SGSM3: variants seen among roughly 807,000 people sequenced by gnomAD.
SGSM3 encodes small G protein signaling modulator 3, also known as RUN and SH3 containing 3.
A neutral mutation model predicts 100.5 loss-of-function variants in SGSM3; 96 were observed. The observed-to-expected ratio is 0.96, with a 90% CI of 0.81 to 1.13. The LOEUF (loss-of-function observed/expected upper bound fraction) is 1.13. SGSM3 is among the 50% of genes most tolerant of loss of function. SGSM3 has a pLI of 0.00. For synonymous variants in SGSM3, 483 were observed against 422.8 expected (o/e 1.14, Z -1.75); for missense variants, 1,001 against 1,015.8 (o/e 0.99, Z 0.20).
chr22:40,383,027 G>A (rs1396724935), intron 1 of SGSM3, among the ~76,000 whole-genome samples: 1 of 152,140 alleles, frequency 6.6e-6, no homozygotes, highest in Non-Finnish European at 1.5e-5. Context: ...CATAAAACAG[G>A]TAATTAAATA....
At position 40,407,932 on chromosome 22, in the gene SGSM3, TCTC is replaced by T. The variant is rs1234526905; in HGVS notation, c.1579+93_1579+95del. The T allele has an allele frequency of 1.1e-5, 16 of 1,471,306 alleles. No homozygotes were observed. Among genetic ancestry groups the T allele is most frequent in the African/African-American group, 8.4e-5 (6 of 71,772 alleles). The allele number at this position is 1,471,306 out of a possible 1,614,324, so 91.1% of individuals were successfully genotyped here. A position where few individuals can be genotyped will look rare whatever the true frequency, so the allele number is the denominator to read the frequency against. ...GTGACCCTGGCCGCCACCAAGCTGT[TCTC>T]CTCTATACACCTGCCTGGCTTGAGG... On this transcript the variant is annotated intron_variant, in intron 14 of 21. Transcript: ENST00000248929. This position sits in a 1 kb window ranked among gnomAD's most constrained non-coding sequence, Gnocchi z 4.7.
intron 4 of SGSM3, 43 bp from the exon 5 acceptor site, chr22:40,404,204 G>A (rs1168596256): frequency 6.8e-6 from 10 of 1,475,014 alleles, no homozygotes; most frequent in Non-Finnish European, 9.1e-6. Context: ...AGAACACGTA[G>A]TAGAGAATGC....
Position 40,408,686 on chromosome 22 carries a change from T to C in SGSM3, c.1842T>C (p.Cys614=). Residue 614 remains cysteine, a synonymous_variant, in exon 17 of 22, where the codon TGT becomes TGC. Coordinates refer to ENST00000248929, the MANE Select transcript of SGSM3 (RefSeq NM_015705.6). ...CCGTGTATTCCCGTCTGGTGCTCTG[T>C]AAGACCTTCAGGTAACTCGGCCCGG... is the stretch of plus-strand genomic sequence containing the variant. ...FASVYSRLVL[C]KTFRLDEDGK... 4 of 1,614,000 alleles carry C rather than the reference T, an allele frequency of 2.5e-6. No individual in the cohort carries two copies. Among genetic ancestry groups the C allele is most frequent in the Non-Finnish European group, 3.4e-6 (4 of 1,180,018 alleles).
chr22:40,395,601 T>C (rs541582131), intron 1 of SGSM3, among the ~76,000 whole-genome samples: 2 of 152,298 alleles, frequency 1.3e-5, no homozygotes, highest in Non-Finnish European at 2.9e-5. Context: ...GGATTACAGG[T>C]ATGAGCCACT....
Position 40,408,114 on chromosome 22 carries a change from C to G in SGSM3, c.1623C>G (p.Ser541Arg). The G allele has an allele frequency of 7.4e-7, 1 of 1,357,666 alleles. No homozygotes were observed. The highest frequency in any genetic ancestry group is 1.0e-6 in the Non-Finnish European group (1 of 954,588). 84.1% of individuals were successfully genotyped at this position (1,357,666 alleles called of 1,614,324 possible). ...TCGTGGAAGTCCTGGATGAGCGCAG[C>G]AAAGAGGTGAGGGGGGTGGGCGGGC... ...AKFVEVLDER[S>R]KEYSIAGDDS... The change falls in exon 15 of 22, where the codon AGC becomes AGG. Residue 541 changes from serine (S) to arginine (R), a missense_variant. Ser to Arg is a moderately radical substitution (Grantham distance 110). Transcript: ENST00000248929.
At chr22:40,372,329 T>A (rs1229954347) in intron 1 of SGSM3, among the ~76,000 whole-genome samples, 1 of 151,672 alleles carries the variant, frequency 6.6e-6, no homozygotes, top group Non-Finnish European at 1.5e-5. Context: ...GGTTTCACCG[T>A]GTTAGCCAGA....
intron 1 of SGSM3, among the ~76,000 whole-genome samples, chr22:40,386,020 T>C (rs1451796630): frequency 2.1e-5 from 3 of 140,968 alleles, no homozygotes; most frequent in Non-Finnish European, 4.6e-5. Flanking sequence ...CCCGGCTAAT[T>C]TTTTGTTTTT....
At chr22:40,401,553 G>C in intron 2 of SGSM3, 40 bp from the exon 3 acceptor site, 2 of 1,551,594 alleles carry the variant, frequency 1.3e-6, no homozygotes, top group Non-Finnish European at 1.8e-6. Flanking sequence ...GCCTGCCTCT[G>C]CATTTTCTTG....
rs2147004015 is a variant in SGSM3, at chr22:40,407,638, C to A, written c.1524+70C>A. On this transcript the variant is annotated intron_variant, in intron 13 of 21. Coordinates refer to ENST00000248929, the MANE Select transcript of SGSM3 (RefSeq NM_015705.6). This position sits in a 1 kb window ranked among gnomAD's most constrained non-coding sequence, Gnocchi z 4.7. ...TTCCCCAGACTCCCTCCACCAAGCC[C>A]CACCCCAACCCCTTTCCCTGCCAAG... The A allele has an allele frequency of 6.3e-7, 1 of 1,578,964 alleles. No homozygotes were observed. The highest frequency in any genetic ancestry group is 2.3e-5 in the East Asian group (1 of 44,206).
In SGSM3 at chr22:40,408,678, G is replaced by C; in HGVS notation, c.1834G>C (p.Val612Leu). ...RDFASVYSRLVLCKTFRLDED... is the reference protein window; with the variant it reads ...RDFASVYSRLLLCKTFRLDED... Reference sequence around the variant, plus strand: ...CTTTGCCTCCGTGTATTCCCGTCTGGTGCTCTGTAAGACCTTCAGGTAACT... The same window carrying C: ...CTTTGCCTCCGTGTATTCCCGTCTGCTGCTCTGTAAGACCTTCAGGTAACT... The change falls in exon 17 of 22, where the codon GTG becomes CTG. Residue 612 changes from valine to leucine, a missense_variant. Coordinates refer to ENST00000248929, the MANE Select transcript of SGSM3 (RefSeq NM_015705.6). The C allele has an allele frequency of 6.2e-7, 1 of 1,614,048 alleles. No individual in the cohort carries two copies. The highest frequency in any genetic ancestry group is 2.2e-5 in the East Asian group (1 of 44,866).
chr22:40,394,618 C>G (rs960334418), intron 1 of SGSM3, among the ~76,000 whole-genome samples: 25 of 144,488 alleles, frequency 1.7e-4, no homozygotes, highest in Non-Finnish European at 4.5e-5. Context: ...GCACTCTAGC[C>G]TGGGTGACAG....
chr22:40,404,701 C>A, intron 6 of SGSM3, 37 bp downstream of exon 6: 1 of 1,461,936 alleles, frequency 6.8e-7, no homozygotes, highest in Non-Finnish European at 9.5e-7. Context: ...GAGCTGGAGG[C>A]TGTGTGGGCT....
chr22:40,400,365 C>T (rs967709856), intron 1 of SGSM3, among the ~76,000 whole-genome samples: 16 of 152,256 alleles, frequency 1.1e-4, no homozygotes, highest in African/African-American at 2.4e-4. Flanking sequence ...AAGGCTTGGC[C>T]GGGCGCGGTG....
Position 40,405,221 on chromosome 22 carries a change from C to T in SGSM3, c.555C>T (p.Arg185=), listed in dbSNP as rs774606660. Reference sequence around the variant, plus strand: ...GTAGCATCGGGGTGCCCCGCCTGCGCAGGGTGCTCCGGGCCCTGGCCTGGC... The same window carrying T: ...GTAGCATCGGGGTGCCCCGCCTGCGTAGGGTGCTCCGGGCCCTGGCCTGGC... ...SMGSIGVPRL[R]RVLRALAWLY... The change falls in exon 7 of 22, where the codon CGC becomes CGT. Residue 185 remains arginine, a synonymous_variant. Transcript: ENST00000248929. The T allele has an allele frequency of 1.3e-6, 2 of 1,582,860 alleles. No individual in the cohort carries two copies. The highest frequency in any genetic ancestry group is 3.6e-5 in the Admixed American group (2 of 55,626).
At position 40,404,592 on chromosome 22, in the gene SGSM3, G is replaced by T; in HGVS notation, c.402G>T (p.Lys134Asn). Reference protein sequence around the residue: ...WMRLSGALQKKRNSELSYREI... With the variant: ...WMRLSGALQKNRNSELSYREI... Reference sequence around the variant, plus strand: ...GGCTCTCTGGGGCCCTGCAGAAGAAGAGGAACTCTGAGCTGTCCTACCGCG... The same window carrying T: ...GGCTCTCTGGGGCCCTGCAGAAGAATAGGAACTCTGAGCTGTCCTACCGCG... The change falls in exon 6 of 22, where the codon AAG becomes AAT. Residue 134 changes from lysine to asparagine, a missense_variant. Transcript: ENST00000248929. The T allele has an allele frequency of 6.2e-7, 1 of 1,613,930 alleles. No individual in the cohort carries two copies. The highest frequency in any genetic ancestry group is 8.5e-7 in the Non-Finnish European group (1 of 1,179,964).
At chr22:40,384,725 A>G (rs574500046) in intron 1 of SGSM3, among the ~76,000 whole-genome samples, 78 of 152,214 alleles carry the variant, frequency 5.1e-4, no homozygotes, top group Non-Finnish European at 9.7e-4. Context: ...AGTTTGCAGT[A>G]AGCTGAGATA....
chr22:40,406,984 C>T lies in SGSM3; in HGVS notation c.1186-33C>T, dbSNP rs763689073. On this transcript the variant is annotated intron_variant, in intron 10 of 21. Coordinates refer to ENST00000248929, the MANE Select transcript of SGSM3 (RefSeq NM_015705.6). Reference sequence around the variant, plus strand: ...TGGTGGGTTCTCTTCCTCCCGGGGCCAGGACCACCCTGACCCACTCCTCTT... The same window carrying T: ...TGGTGGGTTCTCTTCCTCCCGGGGCTAGGACCACCCTGACCCACTCCTCTT... 11 of 1,554,434 alleles carry T rather than the reference C, an allele frequency of 7.1e-6. No individual in the cohort carries two copies. The Admixed American group carries it at 2.1e-4, about 30-fold the overall frequency.
intron 19 of SGSM3, 23 bp from the exon 20 acceptor site, chr22:40,409,227 C>T (rs201553995): frequency 1.3e-6 from 2 of 1,585,568 alleles, no homozygotes; most frequent in East Asian, 2.2e-5. Flanking sequence ...GCCCCTGCTC[C>T]CCACTCCTGG....
At chr22:40,387,549 C>T (rs913030869) in intron 1 of SGSM3, 2 of 218,364 alleles carry the variant, frequency 9.2e-6, no homozygotes, top group Non-Finnish European at 1.8e-5. Context: ...CCTTCTTTGC[C>T]AGTCAGCCCT....
Sources: allele counts gnomAD v4.1 joint callset (sites outside exome capture counted in the v4.1 genomes callset), GRCh38; gene constraint gnomAD v4.1.1; non-coding constraint Gnocchi (gnomAD v3.1); transcripts MANE v1.5; gene names NCBI Gene and HGNC (gene_info 2026-07-23, HGNC 2026-07-21).